The following TAX1BP1 variants were observed in gnomAD, a reference collection of about 807,000 sequenced individuals.
TAX1BP1 encodes tax1-binding protein 1.
In TAX1BP1, 62 loss-of-function variants were observed where a neutral mutation model predicts 97.7. The observed-to-expected ratio is 0.63, with a 90% CI of 0.52 to 0.78. TAX1BP1 has a LOEUF of 0.78. Ranked by LOEUF, TAX1BP1 falls within the 30% of genes least tolerant of loss-of-function variation. TAX1BP1 has a pLI of 0.00. For synonymous variants in TAX1BP1, 340 were observed against 304.2 expected (o/e 1.12, Z -1.23); for missense variants, 867 against 916.1 (o/e 0.95, Z 0.69).
At chr7:27,748,469 G>A (rs1056651356) in intron 1 of TAX1BP1, 49 bp from the exon 2 acceptor site, 2 of 1,349,330 alleles carry the variant, frequency 1.5e-6, no homozygotes, top group Non-Finnish European at 2.0e-6. Flanking sequence ...GAAGGCATAA[G>A]TTTATTCTTA....
chr7:27,817,190 C>G, intron 15 of TAX1BP1, 152 bp downstream of exon 15: 1 of 947,078 alleles, frequency 1.1e-6, no homozygotes, highest in Non-Finnish European at 1.5e-6. Context: ...CAATTGCCTA[C>G]TTGATTTTTT....
At position 27,827,789 on chromosome 7, in the gene TAX1BP1, G is replaced by A. The variant is rs1279793053; in HGVS notation, c.2137G>A (p.Gly713Arg). Reference sequence around the variant, plus strand: ...TGATCCTCCAAGTCAACATTTACGTGGGCATGGGACAGGCTTTTGCTTTGA... The same window carrying A: ...TGATCCTCCAAGTCAACATTTACGTAGGCATGGGACAGGCTTTTGCTTTGA... Reference protein sequence around the residue: ...APDPPSQHLRGHGTGFCFDSS... With the variant: ...APDPPSQHLRRHGTGFCFDSS... Residue 713 changes from glycine to arginine, a missense_variant, in exon 16 of 17, where the codon GGG (glycine) becomes AGG (arginine). By Grantham distance (125) the Gly-to-Arg change is moderately radical. Around this residue, in one of 3 missense-constraint regions of TAX1BP1, gnomAD observed 822 missense variants for 851.4 expected, o/e 0.97. Coordinates refer to ENST00000396319, the MANE Select transcript of TAX1BP1 (RefSeq NM_006024.7). The A allele has an allele frequency of 1.2e-6, 2 of 1,613,812 alleles. No individual in the cohort carries two copies. The highest frequency in any genetic ancestry group is 1.7e-6 in the Non-Finnish European group (2 of 1,179,886).
At chr7:27,751,160 T>G (rs918517528) in intron 2 of TAX1BP1, among the ~76,000 whole-genome samples, 1 of 152,142 alleles carries the variant, frequency 6.6e-6, no homozygotes, top group Non-Finnish European at 1.5e-5. Flanking sequence ...TTGTGCACTT[T>G]AAGGATTGTA....
At chr7:27,785,345 A>T in intron 6 of TAX1BP1, 34 bp downstream of exon 6, 1 of 1,588,130 alleles carries the variant, frequency 6.3e-7, no homozygotes, top group Non-Finnish European at 8.5e-7. Context: ...TAAATTCAAT[A>T]AAAATTTTAA....
At chr7:27,756,313 C>A (rs1487065604) in intron 2 of TAX1BP1, among the ~76,000 whole-genome samples, 1 of 152,158 alleles carries the variant, frequency 6.6e-6, no homozygotes, top group Non-Finnish European at 1.5e-5. Flanking sequence ...GTATGCCCAA[C>A]ATGCCCCTCT....
intron 13 of TAX1BP1, among the ~76,000 whole-genome samples, chr7:27,810,519 G>A (rs1259985043): frequency 6.6e-6 from 1 of 152,092 alleles, no homozygotes; most frequent in African/African-American, 2.4e-5. Context: ...CTGGTTTTGA[G>A]TATGCCCATT....
chr7:27,794,460 A>C lies in TAX1BP1; in HGVS notation c.1534+14A>C. 6.3e-7 allele frequency: 1 copy of C among 1,597,596 alleles called. No individual in the cohort carries two copies. The highest frequency in any genetic ancestry group is 8.5e-7 in the Non-Finnish European group (1 of 1,172,358). On this transcript the variant is annotated intron_variant, in intron 11 of 16. Coordinates refer to ENST00000396319, the MANE Select transcript of TAX1BP1 (RefSeq NM_006024.7). ...CACCTTCTGCAGGTAAAAATCTTTT[A>C]GACTTTTTGTGTAGGGTGTCCTACA...
At chr7:27,812,356 G>A (rs569943630) in intron 13 of TAX1BP1, among the ~76,000 whole-genome samples, 1 of 152,132 alleles carries the variant, frequency 6.6e-6, no homozygotes, top group African/African-American at 2.4e-5. Flanking sequence ...GTCATCTTTG[G>A]TTGCGACAGT....
At chr7:27,785,817 G>C (rs1789457930) in intron 7 of TAX1BP1, among the ~76,000 whole-genome samples, 1 of 152,174 alleles carries the variant, frequency 6.6e-6, no homozygotes, top group African/African-American at 2.4e-5. Flanking sequence ...CCAGGAGAGA[G>C]CAAGGAGGAA....
At chr7:27,820,109 C>T (rs1042503859) in intron 15 of TAX1BP1, among the ~76,000 whole-genome samples, 1 of 152,230 alleles carries the variant, frequency 6.6e-6, no homozygotes, top group Non-Finnish European at 1.5e-5. Flanking sequence ...TATTTTAAAA[C>T]TGCCTAACCC....
chr7:27,749,061 A>G (rs1423296448), intron 2 of TAX1BP1, among the ~76,000 whole-genome samples: 1 of 152,172 alleles, frequency 6.6e-6, no homozygotes, highest in Non-Finnish European at 1.5e-5. Context: ...CCATGTTATT[A>G]TCCCTTCTAC....
At position 27,795,540 on chromosome 7, in the gene TAX1BP1, T is replaced by G. The variant is rs140436208; in HGVS notation, c.1535-576T>G. Among the ~76,000 whole-genome samples, 19 of 152,224 alleles carry G rather than the reference T, an allele frequency of 1.2e-4. No homozygotes were observed. The East Asian group carries it at 3.5e-3, about 28-fold the overall frequency. On this transcript the variant is annotated intron_variant, in intron 11 of 16. Transcript: ENST00000396319. Reference sequence around the variant, plus strand: ...CAATTTTTGTGCTGTTATGGAACTCTTTTTAGCAAATTTTGTTTTGTTTTG... The same window carrying G: ...CAATTTTTGTGCTGTTATGGAACTCGTTTTAGCAAATTTTGTTTTGTTTTG...
At chr7:27,794,633 AC>A (rs1789852087) in intron 11 of TAX1BP1, among the ~76,000 whole-genome samples, 187 bp downstream of exon 11, 1 of 152,220 alleles carries the variant, frequency 6.6e-6, no homozygotes, top group African/African-American at 2.4e-5. Context: ...AATATACACA[AC>A]ATGAACATAT....
intron 5 of TAX1BP1, among the ~76,000 whole-genome samples, chr7:27,780,998 T>A (rs1260006306): frequency 6.6e-6 from 1 of 152,156 alleles, no homozygotes; most frequent in Non-Finnish European, 1.5e-5. Context: ...TTTTTTTACT[T>A]ATTCCCTAAC....
intron 7 of TAX1BP1, 146 bp from the exon 8 acceptor site, chr7:27,787,272 C>A: frequency 3.3e-6 from 2 of 599,780 alleles, no homozygotes; most frequent in East Asian, 3.2e-5. Context: ...AGTCATTTGG[C>A]AGAACCTGGG....
intron 11 of TAX1BP1, among the ~76,000 whole-genome samples, chr7:27,794,842 A>G (rs1789861537): frequency 6.6e-6 from 1 of 152,162 alleles, no homozygotes; most frequent in Admixed American, 6.5e-5. Context: ...TGCAGGGGAA[A>G]AAATCCCCTA....
chr7:27,819,726 T>C (rs1790906485), intron 15 of TAX1BP1, among the ~76,000 whole-genome samples: 1 of 152,230 alleles, frequency 6.6e-6, no homozygotes, highest in Admixed American at 6.5e-5. Flanking sequence ...AGGAAGGTAC[T>C]GAATGTGTAT....
At chr7:27,772,064 A>G (rs1419188893) in intron 5 of TAX1BP1, 4 of 152,062 alleles carry the variant, frequency 2.6e-5, no homozygotes, top group African/African-American at 7.2e-5. Context: ...GTTATAAGAC[A>G]TATGTGGTGA....
At chr7:27,773,093 C>T (rs761642288) in intron 5 of TAX1BP1, among the ~76,000 whole-genome samples, 3 of 152,164 alleles carry the variant, frequency 2.0e-5, no homozygotes, top group Non-Finnish European at 2.9e-5. Flanking sequence ...TAGCTAACTT[C>T]GTCCTGTGAA....
Sources: allele counts gnomAD v4.1 joint callset (sites outside exome capture counted in the v4.1 genomes callset), GRCh38; gene constraint gnomAD v4.1.1; regional missense constraint gnomAD v4.1.1; transcripts MANE v1.5; gene names NCBI Gene and HGNC (gene_info 2026-07-23, HGNC 2026-07-21).